POLI: variants seen among roughly 807,000 people sequenced by gnomAD.
POLI encodes the protein RAD30 homolog B.
POLI carries 58 observed loss-of-function variants against 51.6 expected under a neutral mutation model. The ratio of observed to expected loss-of-function variants is 1.12; its 90% CI spans 0.91 to 1.40. POLI has a LOEUF of 1.40. POLI is among the 40% of genes most tolerant of loss of function. The pLI, the probability that POLI is intolerant of heterozygous loss-of-function variation, is 0.00. For synonymous variants in POLI, 322 were observed against 299.7 expected, an observed-to-expected ratio of 1.07 and a Z score of -0.77; for missense variants, 921 against 871.3, an observed-to-expected ratio of 1.06 and a Z score of -0.72.
intron 3 of POLI, among the ~76,000 whole-genome samples, chr18:54,274,311 CTTA>C (rs1017322948): frequency 2.6e-5 from 4 of 151,874 alleles, no homozygotes; most frequent in African/African-American, 7.3e-5. Context: ...AATTTTAACT[CTTA>C]TTATTGATGT....
At chr18:54,318,934 C>G (rs565510590) in intron 3 of POLI, among the ~76,000 whole-genome samples, 14 of 152,238 alleles carry the variant, frequency 9.2e-5, no homozygotes, top group Middle Eastern at 6.8e-3. Context: ...TTCCAGATGC[C>G]TTTGCAGCCA....
chr18:54,287,592 A>G (rs1027058089), intron 8 of POLI, 181 bp downstream of exon 8: 5 of 482,164 alleles, frequency 1.0e-5, no homozygotes, highest in Non-Finnish European at 1.5e-5. Flanking sequence ...TTATTTATTT[A>G]TTTTTTGAGA....
chr18:54,272,865 G>A (rs1389817713), intron 2 of POLI, among the ~76,000 whole-genome samples: 1 of 151,866 alleles, frequency 6.6e-6, no homozygotes, highest in Non-Finnish European at 1.5e-5. Context: ...GATTTTTTAT[G>A]TAGTTCACTG....
In POLI at chr18:54,294,597, G is replaced by C. The variant is rs2088209090; in HGVS notation, c.*130G>C. Reference sequence around the variant, plus strand: ...GAGTAAACTGTTCCAGATAAAGCAAGAATAGTTGCAAGAAGTAAATTCTGG... The same window carrying C: ...GAGTAAACTGTTCCAGATAAAGCAACAATAGTTGCAAGAAGTAAATTCTGG... On this transcript the variant is annotated 3_prime_UTR_variant, in exon 10 of 10. Transcript: ENST00000579534. 6 of 1,303,914 alleles carry C rather than the reference G, an allele frequency of 4.6e-6. No homozygotes were observed. Among genetic ancestry groups the C allele is most frequent in the Non-Finnish European group, 4.9e-6 (5 of 1,029,832 alleles). 80.8% of individuals were successfully genotyped at this position (1,303,914 alleles called of 1,614,324 possible). A position where few individuals can be genotyped will look rare whatever the true frequency, so the allele number is the denominator to read the frequency against.
At chr18:54,270,538 A>C (rs1175737536) in intron 1 of POLI, 2 of 152,224 alleles carry the variant, frequency 1.3e-5, no homozygotes, top group African/African-American at 4.8e-5. Context: ...AACTCAGTAC[A>C]TTTGTCAAAA....
At position 54,297,164 on chromosome 18, in the gene POLI, A is replaced by C. The variant is rs1013152986; in HGVS notation, c.*2697A>C. ...CCGAAGGTTTTGTCTCTGCAGGTCA[A>C]TTCCAAACTAACAGGCAGATGCTGT... On this transcript the variant is annotated 3_prime_UTR_variant, in exon 10 of 10. Transcript: ENST00000579534. The C allele has an allele frequency of 3.0e-6, 3 of 985,296 alleles. No homozygotes were observed. The highest frequency in any genetic ancestry group is 3.6e-6 in the Non-Finnish European group (3 of 829,932). The allele number at this position is 985,296 out of a possible 1,614,324, so 61.0% of individuals were successfully genotyped here. A position where few individuals can be genotyped will look rare whatever the true frequency, so the allele number is the denominator to read the frequency against.
At chr18:54,301,821 T>G (rs533059691), downstream of POLI, among the ~76,000 whole-genome samples, 9 of 152,352 alleles carry the variant, frequency 5.9e-5, no homozygotes, top group South Asian at 1.9e-3. Flanking sequence ...ACTTTTCATT[T>G]CTGCTATTTT....
rs2087005855 is a variant in POLI, at chr18:54,271,624, T to C, written c.241+139T>C. 4 of 563,620 alleles carry C rather than the reference T, an allele frequency of 7.1e-6. No individual in the cohort carries two copies. The South Asian group carries it at 1.2e-4, about 17-fold the overall frequency. 34.9% of individuals were successfully genotyped at this position (563,620 alleles called of 1,614,324 possible). A position where few individuals can be genotyped will look rare whatever the true frequency, so the allele number is the denominator to read the frequency against. Reference sequence around the variant, plus strand: ...TACAGTGCTTTATAGCTGGTCATTTTTGCTTCACTACCAAGTGTAAATTTT... The same window carrying C: ...TACAGTGCTTTATAGCTGGTCATTTCTGCTTCACTACCAAGTGTAAATTTT... On this transcript the variant is annotated intron_variant, in intron 2 of 9. Coordinates refer to ENST00000579534, the MANE Select transcript of POLI (RefSeq NM_007195.3).
In POLI at chr18:54,280,910, C is replaced by A. The variant is rs2087471281; in HGVS notation, c.796+7C>A. The A allele has an allele frequency of 1.4e-6, 2 of 1,438,852 alleles. No homozygotes were observed. Among genetic ancestry groups the A allele is most frequent in the Non-Finnish European group, 2.0e-6 (2 of 1,022,422 alleles). 89.1% of individuals were successfully genotyped at this position (1,438,852 alleles called of 1,614,324 possible). A position where few individuals can be genotyped will look rare whatever the true frequency, so the allele number is the denominator to read the frequency against. ...CACATAAAGGAAATACCTGGTAAGA[C>A]AAATATATTTGAAAAGTACATATAC... On this transcript the variant is annotated splice_region_variant and intron_variant, in intron 5 of 9. Transcript: ENST00000579534.
At chr18:54,293,540 G>C (rs1432179014) in intron 9 of POLI, 109 bp from the exon 10 acceptor site, 1 of 720,062 alleles carries the variant, frequency 1.4e-6, no homozygotes, top group African/African-American at 1.8e-5. Context: ...AGTTGTATTT[G>C]TTGAGTAGGT....
intron 7 of POLI, among the ~76,000 whole-genome samples, chr18:54,286,056 G>T (rs3730762): frequency 9.5e-4 from 145 of 151,998 alleles, no homozygotes; most frequent in Non-Finnish European, 1.6e-3. Context: ...TGTAGATGAG[G>T]TCTTGCTATG....
intron 1 of POLI, 51 bp from the exon 2 acceptor site, chr18:54,271,309 A>C: frequency 1.3e-6 from 2 of 1,546,550 alleles, no homozygotes; most frequent in African/African-American, 1.4e-5. Context: ...TCAGTTGCTC[A>C]GAGATAATAA....
chr18:54,277,668 A>G lies in POLI; in HGVS notation c.407-35A>G, dbSNP rs913724677. 2.8e-6 allele frequency: 4 copies of G among 1,407,916 alleles called. No individual in the cohort carries two copies. The Admixed American group carries it at 6.1e-5, about 22-fold the overall frequency. The allele number at this position is 1,407,916 out of a possible 1,614,324, so 87.2% of individuals were successfully genotyped here. ...TTAAATTTATCCTAGTTATAACTTC[A>G]TTTACATTTGTGCTCCAATATTATT... is the stretch of plus-strand genomic sequence containing the variant. On this transcript the variant is annotated intron_variant, in intron 3 of 9. Coordinates refer to ENST00000579534, the MANE Select transcript of POLI (RefSeq NM_007195.3).
At chr18:54,279,210 A>T (rs1568124309) in intron 4 of POLI, among the ~76,000 whole-genome samples, 2 of 151,668 alleles carry the variant, frequency 1.3e-5, no homozygotes, top group African/African-American at 4.8e-5. Flanking sequence ...AAGTTGACAG[A>T]ATAGTACAAA....
chr18:54,292,082 T>G (rs776764697), intron 9 of POLI, 44 bp downstream of exon 9: 2 of 1,154,378 alleles, frequency 1.7e-6, no homozygotes, highest in Middle Eastern at 2.9e-4. Flanking sequence ...TATACTCTTA[T>G]GGGATTTGTG....
intron 8 of POLI, among the ~76,000 whole-genome samples, chr18:54,289,222 A>T (rs1221950547): frequency 1.4e-5 from 2 of 145,358 alleles, no homozygotes; most frequent in Non-Finnish European, 3.0e-5. Flanking sequence ...TTTCCATTCA[A>T]ATTTTTATTT....
chr18:54,310,721 A>T (rs982706661), intron 3 of POLI, among the ~76,000 whole-genome samples: 4 of 152,150 alleles, frequency 2.6e-5, no homozygotes, highest in African/African-American at 7.2e-5. Context: ...AATATGTTAA[A>T]AGCTTTTGAG....
chr18:54,274,602 T>C (rs1399753971), intron 3 of POLI, among the ~76,000 whole-genome samples: 2 of 151,916 alleles, frequency 1.3e-5, no homozygotes, highest in Non-Finnish European at 2.9e-5. Flanking sequence ...AGCTAAACTT[T>C]CCTATGCTAA....
intron 9 of POLI, among the ~76,000 whole-genome samples, chr18:54,292,919 A>G (rs1165972607): frequency 6.6e-6 from 1 of 152,114 alleles, no homozygotes; most frequent in African/African-American, 2.4e-5. Flanking sequence ...TTAGAAAAGT[A>G]AATATAAGTG....
Sources: allele counts gnomAD v4.1 joint callset (sites outside exome capture counted in the v4.1 genomes callset), GRCh38; gene constraint gnomAD v4.1.1; transcripts MANE v1.5; gene names NCBI Gene and HGNC (gene_info 2026-07-23, HGNC 2026-07-21).